The following GARIN2 variants were observed in gnomAD, a reference collection of about 807,000 sequenced individuals.
GARIN2 encodes golgi associated RAB2 interactor family member 2, also known as Golgi-associated RAB2 interactor protein 2.
At chr14:67,212,192 A>G in the GARIN2 span, among the ~76,000 whole-genome samples, 1 of 152,226 alleles carries the variant, frequency 6.6e-6, no homozygotes, top group Non-Finnish European at 1.5e-5. Context: ...GAAAGTACAT[A>G]GAGGACTTTG....
At chr14:67,202,713 A>T in the GARIN2 span, among the ~76,000 whole-genome samples, 1 of 152,196 alleles carries the variant, frequency 6.6e-6, no homozygotes, top group African/African-American at 2.4e-5. Flanking sequence ...CTTTAAACTT[A>T]TGTGTAAATG....
chr14:67,223,757 G>A, the GARIN2 span: 1 of 984,868 alleles, frequency 1.0e-6, no homozygotes, highest in South Asian at 4.7e-5. Flanking sequence ...ACTTAGGCTT[G>A]TATAGTTTTT....
At chr14:67,190,184 G>A in the GARIN2 span, among the ~76,000 whole-genome samples, 18 of 150,408 alleles carry the variant, frequency 1.2e-4, 1 homozygote, top group East Asian at 3.5e-3. Flanking sequence ...CAAAATGCTG[G>A]GATTACAGGC....
chr14:67,225,076 C>A, the GARIN2 span: 1 of 1,505,592 alleles, frequency 6.6e-7, no homozygotes. Flanking sequence ...CTCTATTGAT[C>A]TCTCCTTTAC....
the GARIN2 span, chr14:67,199,907 CAGGACA>C: frequency 6.8e-7 from 1 of 1,477,898 alleles, no homozygotes; most frequent in East Asian, 2.3e-5. Context: ...ACCCCAGGGG[CAGGACA>C]TCCTGGTCAT....
chr14:67,212,430 A>C, the GARIN2 span, among the ~76,000 whole-genome samples: 1 of 151,492 alleles, frequency 6.6e-6, no homozygotes, highest in South Asian at 2.1e-4. Context: ...TCTACAAAAA[A>C]AATACAAAAA....
the GARIN2 span, among the ~76,000 whole-genome samples, chr14:67,218,353 G>A: frequency 6.6e-6 from 1 of 152,188 alleles, no homozygotes; most frequent in African/African-American, 2.4e-5. Flanking sequence ...GTGATCTGGG[G>A]GCATGTTTAC....
At chr14:67,225,044 C>A in the GARIN2 span, 2 of 1,390,550 alleles carry the variant, frequency 1.4e-6, no homozygotes, top group Non-Finnish European at 1.9e-6. Context: ...CTGCTTTTGG[C>A]TTTTTTTCTT....
the GARIN2 span, among the ~76,000 whole-genome samples, chr14:67,218,068 G>A: frequency 5.1e-3 from 769 of 152,270 alleles, 2 homozygotes; most frequent in Non-Finnish European, 8.0e-3. Context: ...AGTGGCCTAG[G>A]CTTAGAGAGT....
the GARIN2 span, among the ~76,000 whole-genome samples, chr14:67,227,122 C>G: frequency 6.9e-3 from 1,046 of 152,272 alleles, 18 homozygotes; most frequent in African/African-American, 0.024. Context: ...TTATACCATA[C>G]TTAAATTTTG....
the GARIN2 span, among the ~76,000 whole-genome samples, chr14:67,211,510 A>G: frequency 6.6e-6 from 1 of 152,252 alleles, no homozygotes; most frequent in Non-Finnish European, 1.5e-5. Context: ...GAATGTTAAT[A>G]GGTGACAATG....
At chr14:67,221,845 C>A in the GARIN2 span, 1 of 1,607,758 alleles carries the variant, frequency 6.2e-7, no homozygotes. Context: ...TATTGTGATC[C>A]CTGGTATTCA....
chr14:67,191,912 C>T, the GARIN2 span, among the ~76,000 whole-genome samples: 5 of 152,316 alleles, frequency 3.3e-5, no homozygotes, highest in South Asian at 4.2e-4. Context: ...TCTGCAGAAA[C>T]GTACAACCTA....
the GARIN2 span, chr14:67,199,889 C>G: frequency 1.5e-5 from 22 of 1,485,548 alleles, no homozygotes; most frequent in Non-Finnish European, 1.9e-5. Flanking sequence ...GGCCCCCCAT[C>G]GGCAGGAACC....
the GARIN2 span, among the ~76,000 whole-genome samples, chr14:67,213,970 G>C: frequency 6.6e-6 from 1 of 152,210 alleles, no homozygotes; most frequent in African/African-American, 2.4e-5. Context: ...CTTCTTTTGA[G>C]AAGTATCTGT....
chr14:67,193,390 G>C, the GARIN2 span, among the ~76,000 whole-genome samples: 2 of 132,930 alleles, frequency 1.5e-5, no homozygotes, highest in South Asian at 4.8e-4. Flanking sequence ...GATATATCTA[G>C]ATATATCTAG....
the GARIN2 span, among the ~76,000 whole-genome samples, chr14:67,213,588 A>C: frequency 6.6e-6 from 1 of 152,124 alleles, no homozygotes; most frequent in African/African-American, 2.4e-5. Context: ...GCTTGGTTCC[A>C]AGTCTTTGCT....
the GARIN2 span, chr14:67,208,486 A>G: frequency 6.3e-7 from 1 of 1,586,526 alleles, no homozygotes; most frequent in Non-Finnish European, 8.6e-7. Context: ...GAATTCTAAG[A>G]CATGAAATAT....
At chr14:67,195,213 G>C in the GARIN2 span, among the ~76,000 whole-genome samples, 1 of 152,188 alleles carries the variant, frequency 6.6e-6, no homozygotes, top group African/African-American at 2.4e-5. Flanking sequence ...AACACTTTCT[G>C]CTCCTCAGCT....
Sources: allele counts gnomAD v4.1 joint callset (sites outside exome capture counted in the v4.1 genomes callset), GRCh38; gene constraint gnomAD v4.1.1; transcripts MANE v1.5; gene names NCBI Gene and HGNC (gene_info 2026-07-23, HGNC 2026-07-21).